Variants in UHRF1 observed in about 807,000 individuals in gnomAD.
The protein encoded by UHRF1 is ubiquitin like with PHD and ring finger domains 1, also known as E3 ubiquitin-protein ligase UHRF1.
UHRF1 carries 9 observed loss-of-function variants against 96.5 expected under a neutral mutation model. The observed-to-expected ratio is 0.09, with a 90% confidence interval of 0.06 to 0.16. The LOEUF is 0.16. Among genes scored for constraint, UHRF1 ranks in the 10% least tolerant of loss-of-function variants. The pLI, the probability that UHRF1 is intolerant of heterozygous loss-of-function variation, is 1.00. For synonymous variants in UHRF1, 455 were observed against 469.9 expected, an observed-to-expected ratio of 0.97 and a Z score of 0.41; for missense variants, 626 against 1,131.1, an observed-to-expected ratio of 0.55 and a Z score of 6.40.
chr19:4,943,460 TC>T (rs2033467771), intron 7 of UHRF1, among the ~76,000 whole-genome samples: 1 of 150,092 alleles, frequency 6.7e-6, no homozygotes, highest in Non-Finnish European at 1.5e-5. Flanking sequence ...CTGTGGTCAT[TC>T]CTCCAGCACA....
intron 7 of UHRF1, among the ~76,000 whole-genome samples, chr19:4,943,495 G>GCCCCCCC (rs368362097): frequency 2.0e-4 from 27 of 133,198 alleles, no homozygotes; most frequent in South Asian, 4.8e-4. Flanking sequence ...TTGTTGCCCT[G>GCCCCCCC]CCCCCCCTCC....
chr19:4,918,837 C>T (rs2032610024), intron 2 of UHRF1, among the ~76,000 whole-genome samples: 1 of 150,928 alleles, frequency 6.6e-6, no homozygotes, highest in Non-Finnish European at 1.5e-5. Context: ...CCTCCTGCCT[C>T]AGCCTCGCAA....
chr19:4,916,319 AC>A (rs1409437261), intron 2 of UHRF1, among the ~76,000 whole-genome samples: 2 of 151,680 alleles, frequency 1.3e-5, no homozygotes, highest in African/African-American at 4.8e-5. Flanking sequence ...AAAAAAAAAA[AC>A]CAAATAAATT....
intron 5 of UHRF1, among the ~76,000 whole-genome samples, chr19:4,941,085 G>GTTTTTTTTTTTTTTTT (rs869250736): frequency 2.0e-5 from 1 of 50,082 alleles, no homozygotes; most frequent in African/African-American, 9.4e-5. Context: ...TCTGTGTTTT[G>GTTTTTTTTTTTTTTTT]TTTTTTTTTT....
At chr19:4,957,864 G>A (rs2033899227) in intron 16 of UHRF1, among the ~76,000 whole-genome samples, 1 of 152,188 alleles carries the variant, frequency 6.6e-6, no homozygotes, top group African/African-American at 2.4e-5. Flanking sequence ...GTGGGTCTGG[G>A]TGATGGTTTC....
In UHRF1 at chr19:4,954,943, G is replaced by A; in HGVS notation, c.2130+121G>A. The A allele has an allele frequency of 1.6e-6, 2 of 1,283,336 alleles. No individual in the cohort carries two copies. The highest frequency in any genetic ancestry group is 2.8e-5 in the South Asian group (2 of 71,638). The allele number at this position is 1,283,336 out of a possible 1,614,324, so 79.5% of individuals were successfully genotyped here. A position where few individuals can be genotyped will look rare whatever the true frequency, so the allele number is the denominator to read the frequency against. ...GCTCAGTCGCACTGAGTACATTCTTGTGGTTGTGCAACCATCACCACCATC... is the reference window on the plus strand; with the variant it reads ...GCTCAGTCGCACTGAGTACATTCTTATGGTTGTGCAACCATCACCACCATC... On this transcript the variant is annotated intron_variant, in intron 15 of 16. Coordinates refer to ENST00000650932, the MANE Select transcript of UHRF1 (RefSeq NM_001048201.3). The surrounding 1 kb of genome is among the most constrained non-coding windows in gnomAD (Gnocchi z 5.9).
chr19:4,945,578 A>G (rs1198163969), intron 9 of UHRF1, among the ~76,000 whole-genome samples: 1 of 151,566 alleles, frequency 6.6e-6, no homozygotes, highest in Non-Finnish European at 1.5e-5. Flanking sequence ...CATTTTCTAG[A>G]GGCCGAAGAG....
At position 4,930,456 on chromosome 19, in the gene UHRF1, C is replaced by T. The variant is rs2033011966; in HGVS notation, c.409-260C>T. ...AATGGGCAGCTCTGGTCTCTCAGGG[C>T]CTCCCAGCAGCTGTGGCTGAAGCAG... On this transcript the variant is annotated intron_variant, in intron 3 of 16. Transcript: ENST00000650932. The surrounding 1 kb of genome is among the most constrained non-coding windows in gnomAD (Gnocchi z 4.4). 6.6e-6 allele frequency among the ~76,000 whole-genome samples: 1 copy of T among 152,242 alleles called. No homozygotes were observed. Among genetic ancestry groups the T allele is most frequent in the Non-Finnish European group, 1.5e-5 (1 of 68,042 alleles).
intron 2 of UHRF1, among the ~76,000 whole-genome samples, chr19:4,927,716 G>C (rs2032918660): frequency 6.6e-6 from 1 of 152,248 alleles, no homozygotes; most frequent in Non-Finnish European, 1.5e-5. Context: ...CATGACTGGT[G>C]GAGGCCAGGG....
intron 5 of UHRF1, among the ~76,000 whole-genome samples, chr19:4,935,014 C>T (rs1037296775): frequency 2.0e-5 from 3 of 151,886 alleles, no homozygotes; most frequent in East Asian, 1.9e-4. Context: ...TGCTCTGTCA[C>T]CCAGGCTGGA....
chr19:4,905,145 C>G (rs763137876), upstream of UHRF1, among the ~76,000 whole-genome samples: 1 of 113,034 alleles, frequency 8.8e-6, no homozygotes, highest in Non-Finnish European at 1.6e-5. Flanking sequence ...GAGACAGAGT[C>G]TTGCTCAGTC....
intron 2 of UHRF1, among the ~76,000 whole-genome samples, chr19:4,912,756 A>AT (rs966152488): frequency 4.6e-5 from 7 of 151,764 alleles, no homozygotes; most frequent in African/African-American, 9.7e-5. Flanking sequence ...GTTTTCATTG[A>AT]TTTTTTTTGT....
chr19:4,909,344 T>C, upstream of UHRF1: 1 of 590,048 alleles, frequency 1.7e-6, no homozygotes. Flanking sequence ...CGTGGCCCAC[T>C]AGGCGGAGGC....
chr19:4,906,935 C>T (rs548183113), upstream of UHRF1, among the ~76,000 whole-genome samples: 1 of 152,146 alleles, frequency 6.6e-6, no homozygotes, highest in African/African-American at 2.4e-5. Flanking sequence ...CTGCTCATAC[C>T]TGTGGTGTGG....
chr19:4,957,948 G>A (rs897770033), intron 16 of UHRF1, among the ~76,000 whole-genome samples: 1 of 152,230 alleles, frequency 6.6e-6, no homozygotes, highest in Admixed American at 6.5e-5. Flanking sequence ...GCCACCCCAC[G>A]GATCTCCCCA....
At chr19:4,939,389 T>C (rs2033317385) in intron 5 of UHRF1, among the ~76,000 whole-genome samples, 1 of 151,570 alleles carries the variant, frequency 6.6e-6, no homozygotes, top group African/African-American at 2.4e-5. Context: ...TTCTTTTTTT[T>C]TGAGACGGAG....
intron 5 of UHRF1, among the ~76,000 whole-genome samples, chr19:4,937,983 G>C (rs1352784489): frequency 6.6e-6 from 1 of 151,990 alleles, no homozygotes; most frequent in South Asian, 2.1e-4. Context: ...TGAAATCCCC[G>C]TCTCTACTAA....
Position 4,932,733 on chromosome 19 carries a change from C to T in UHRF1, c.570-8C>T. The T allele has an allele frequency of 1.2e-6, 2 of 1,613,272 alleles. No individual in the cohort carries two copies. Among genetic ancestry groups the T allele is most frequent in the South Asian group, 1.1e-5 (1 of 91,054 alleles). ...GCACGGGGTCTAAGGCCCGGGCTTT[C>T]CTCCCAGCTACCCGGAGAACGGCGT... is the stretch of plus-strand genomic sequence containing the variant. On this transcript the variant is annotated splice_polypyrimidine_tract_variant and splice_region_variant and intron_variant, in intron 4 of 16. Transcript: ENST00000650932.
chr19:4,960,379 G>T (rs1295184681), intron 16 of UHRF1, among the ~76,000 whole-genome samples: 1 of 152,238 alleles, frequency 6.6e-6, no homozygotes, highest in Non-Finnish European at 1.5e-5. Flanking sequence ...CCATAAGGGA[G>T]GTGACTTGAG....
Sources: gnomAD v4.1 joint callset for allele counts (sites outside exome capture counted in the v4.1 genomes callset) on GRCh38, gnomAD v4.1.1 for gene constraint, Gnocchi (gnomAD v3.1) non-coding constraint, MANE v1.5 for transcripts, NCBI Gene and HGNC (gene_info 2026-07-23, HGNC 2026-07-21) for gene names.